LHFPL2: variants seen among roughly 807,000 people sequenced by gnomAD.
The protein encoded by LHFPL2 is LHFPL tetraspan subfamily member 2 protein.
Under a neutral mutation model 17.5 loss-of-function variants are expected in LHFPL2, and 7 were observed. That is an observed-to-expected ratio of 0.40 (90% CI 0.23 to 0.75). The LOEUF is 0.75. Ranked by LOEUF, LHFPL2 falls within the 30% of genes least tolerant of loss-of-function variation. The probability of loss-of-function intolerance (pLI) is 0.37; values close to 1 mark genes in which losing one functional copy is unlikely to be tolerated. For missense variants in LHFPL2, 241 were observed against 294.8 expected, an observed-to-expected ratio of 0.82 and a Z score of 1.34; for synonymous variants, 134 against 116.2, an observed-to-expected ratio of 1.15 and a Z score of -0.99.
At chr5:78,537,971 G>C (rs1460500677) in intron 3 of LHFPL2, among the ~76,000 whole-genome samples, 1 of 152,154 alleles carries the variant, frequency 6.6e-6, no homozygotes, top group Non-Finnish European at 1.5e-5. Flanking sequence ...AATGTGTGAG[G>C]CCATTTCCCT....
intron 2 of LHFPL2, among the ~76,000 whole-genome samples, chr5:78,616,310 G>A (rs1366826227): frequency 6.6e-6 from 1 of 152,030 alleles, no homozygotes. Context: ...TGTATTTTTA[G>A]TAGAGACGGG....
At chr5:78,540,461 G>A (rs962486682) in intron 3 of LHFPL2, among the ~76,000 whole-genome samples, 2 of 152,162 alleles carry the variant, frequency 1.3e-5, no homozygotes, top group Admixed American at 1.3e-4. Flanking sequence ...ATTGCAACAG[G>A]CCTCAGATCC....
chr5:78,578,793 C>T (rs984017002), intron 2 of LHFPL2, among the ~76,000 whole-genome samples: 6 of 152,174 alleles, frequency 3.9e-5, no homozygotes, highest in Non-Finnish European at 7.4e-5. Context: ...TGACAACATT[C>T]CACTCTACTC....
In LHFPL2 at chr5:78,510,172, G is replaced by A. The variant is rs746352941; in HGVS notation, c.42C>T (p.Thr14=). ...CAAAAGCCACCACAATACTCAGCAA[G>A]GTCCAGAGCATCGAGCGACAGGTGA... ...VIVTCRSMLW[T]LLSIVVAFAE... Residue 14 remains threonine, a synonymous_variant, in exon 4 of 5, where the codon ACC becomes ACT. Coordinates refer to ENST00000380345, the MANE Select transcript of LHFPL2 (RefSeq NM_005779.3). 6.2e-7 allele frequency: 1 copy of A among 1,605,454 alleles called. No individual in the cohort carries two copies. Among genetic ancestry groups the A allele is most frequent in the South Asian group, 1.1e-5 (1 of 90,854 alleles).
intron 2 of LHFPL2, among the ~76,000 whole-genome samples, chr5:78,611,739 T>G (rs1186568072): frequency 6.6e-6 from 1 of 152,238 alleles, no homozygotes; most frequent in Admixed American, 6.5e-5. Flanking sequence ...TGGTCTAATT[T>G]GCCACCTAAT....
chr5:78,529,900 C>T (rs973165683), intron 3 of LHFPL2, among the ~76,000 whole-genome samples: 39 of 152,228 alleles, frequency 2.6e-4, no homozygotes, highest in African/African-American at 8.9e-4. Context: ...ACTCTTCCAA[C>T]AGCACTTGTC....
intron 3 of LHFPL2, among the ~76,000 whole-genome samples, chr5:78,547,964 G>A (rs895752768): frequency 2.0e-5 from 3 of 152,246 alleles, no homozygotes; most frequent in Non-Finnish European, 2.9e-5. Flanking sequence ...ATCTCCCCAG[G>A]GAATGGCTGG....
chr5:78,642,496 CA>C (rs1745704257), intron 1 of LHFPL2, among the ~76,000 whole-genome samples: 1 of 152,134 alleles, frequency 6.6e-6, no homozygotes, highest in African/African-American at 2.4e-5. Context: ...GCTTGATGGA[CA>C]ATCAAGCCAG....
intron 3 of LHFPL2, among the ~76,000 whole-genome samples, chr5:78,556,077 C>T (rs975057897): frequency 2.0e-5 from 3 of 152,136 alleles, no homozygotes; most frequent in Non-Finnish European, 4.4e-5. Context: ...GGGGCACCCA[C>T]TGGGCAGGGC....
At chr5:78,624,214 G>A (rs935156004) in intron 2 of LHFPL2, among the ~76,000 whole-genome samples, 3 of 152,208 alleles carry the variant, frequency 2.0e-5, no homozygotes, top group African/African-American at 7.2e-5. Context: ...TCATCAATCA[G>A]GGTTTGACTC....
intron 3 of LHFPL2, among the ~76,000 whole-genome samples, chr5:78,557,871 T>C (rs1313704770): frequency 2.0e-5 from 3 of 152,316 alleles, no homozygotes; most frequent in Admixed American, 1.3e-4. Context: ...GGGATGCCAG[T>C]GCGAGGGGTG....
At chr5:78,517,610 A>G (rs1755330477) in intron 3 of LHFPL2, among the ~76,000 whole-genome samples, 2 of 152,364 alleles carry the variant, frequency 1.3e-5, no homozygotes, top group South Asian at 4.1e-4. Flanking sequence ...CAGGCAAGGA[A>G]GCATGTGCAG....
intron 3 of LHFPL2, among the ~76,000 whole-genome samples, chr5:78,550,274 T>C (rs1756402147): frequency 6.6e-6 from 1 of 152,320 alleles, no homozygotes; most frequent in Non-Finnish European, 1.5e-5. Context: ...TCAACAGCCA[T>C]GGCACGGAAG....
chr5:78,550,595 G>A (rs966491755), intron 3 of LHFPL2, among the ~76,000 whole-genome samples: 22 of 152,022 alleles, frequency 1.4e-4, no homozygotes, highest in African/African-American at 4.8e-4. Flanking sequence ...TTTTGAGATG[G>A]ATTCTCACTC....
chr5:78,616,287 C>T (rs963901650), intron 2 of LHFPL2, among the ~76,000 whole-genome samples: 4 of 152,076 alleles, frequency 2.6e-5, no homozygotes, highest in African/African-American at 4.8e-5. Flanking sequence ...CCACCTCACC[C>T]GGCTAATTTT....
At chr5:78,491,910 A>G (rs754387254) in intron 4 of LHFPL2, among the ~76,000 whole-genome samples, 1 of 152,234 alleles carries the variant, frequency 6.6e-6, no homozygotes, top group Non-Finnish European at 1.5e-5. Context: ...CCCAGGCTAC[A>G]TTCAGTACTC....
At chr5:78,589,582 G>C (rs1043178460) in intron 2 of LHFPL2, among the ~76,000 whole-genome samples, 5 of 152,182 alleles carry the variant, frequency 3.3e-5, no homozygotes, top group Non-Finnish European at 7.3e-5. Flanking sequence ...TTCAAATGGT[G>C]TCTACTCTTG....
At chr5:78,543,309 T>C (rs1389491237) in intron 3 of LHFPL2, among the ~76,000 whole-genome samples, 1 of 152,198 alleles carries the variant, frequency 6.6e-6, no homozygotes, top group Non-Finnish European at 1.5e-5. Context: ...CTTCTGCCTT[T>C]TAAATTTCTC....
intron 2 of LHFPL2, among the ~76,000 whole-genome samples, chr5:78,568,371 T>G (rs1490419240): frequency 1.3e-5 from 2 of 152,232 alleles, no homozygotes; most frequent in Admixed American, 1.3e-4. Flanking sequence ...CATGCCCTTC[T>G]GTTACACTTC....
Sources: allele counts gnomAD v4.1 joint callset (sites outside exome capture counted in the v4.1 genomes callset), GRCh38; gene constraint gnomAD v4.1.1; transcripts MANE v1.5; gene names NCBI Gene and HGNC (gene_info 2026-07-23, HGNC 2026-07-21).